Variants in JAZF1 observed in about 807,000 individuals in gnomAD.
JAZF1 encodes juxtaposed with another zinc finger protein 1.
In JAZF1, 8 loss-of-function variants were observed where a neutral mutation model predicts 26.4. The observed-to-expected ratio is 0.30, with a 90% CI of 0.18 to 0.55. JAZF1 has a LOEUF of 0.55. JAZF1 is among the 20% of genes least tolerant of loss of function. JAZF1 has a pLI of 0.94. For missense variants in JAZF1, 199 were observed against 322.0 expected (o/e 0.62, Z 2.92); for synonymous variants, 126 against 122.3 (o/e 1.03, Z -0.20).
At chr7:27,867,034 A>G (rs1783484907) in intron 3 of JAZF1, among the ~76,000 whole-genome samples, 1 of 152,174 alleles carries the variant, frequency 6.6e-6, no homozygotes, top group Non-Finnish European at 1.5e-5. Flanking sequence ...TGTTGGACCA[A>G]CTGCTGCTTG....
chr7:28,138,290 C>A (rs978381461), intron 1 of JAZF1, among the ~76,000 whole-genome samples: 7 of 152,152 alleles, frequency 4.6e-5, no homozygotes, highest in African/African-American at 1.4e-4. Context: ...GTAAGACAGG[C>A]ACAGAGAACA....
At chr7:27,989,358 G>T (rs1022407075) in intron 2 of JAZF1, among the ~76,000 whole-genome samples, 8 of 152,146 alleles carry the variant, frequency 5.3e-5, no homozygotes, top group Admixed American at 1.3e-4. Flanking sequence ...CTAGGCAATA[G>T]CATTCAGGCC....
chr7:28,110,527 A>AAAGG (rs1784636554), intron 1 of JAZF1, among the ~76,000 whole-genome samples: 1 of 67,662 alleles, frequency 1.5e-5, no homozygotes, highest in African/African-American at 4.9e-5. Flanking sequence ...AAGGAAAAGG[A>AAAGG]AAAGGAAAGG....
intron 1 of JAZF1, among the ~76,000 whole-genome samples, chr7:28,063,342 C>A (rs753463664): frequency 5.3e-5 from 8 of 151,980 alleles, no homozygotes; most frequent in Non-Finnish European, 1.0e-4. Flanking sequence ...CCTTTAGTAC[C>A]CAGTATTGGA....
intron 1 of JAZF1, among the ~76,000 whole-genome samples, chr7:28,068,147 T>C (rs183642224): frequency 7.2e-5 from 11 of 151,958 alleles, no homozygotes; most frequent in Middle Eastern, 3.4e-3. Context: ...ACTCCTGACA[T>C]CAGATGATCT....
chr7:28,023,214 T>C lies in JAZF1; in HGVS notation c.116-31233A>G, dbSNP rs140620996. 1.1e-4 allele frequency among the ~76,000 whole-genome samples: 16 copies of C among 152,214 alleles called. No individual in the cohort carries two copies. The East Asian group carries it at 3.1e-3, about 29-fold the overall frequency. ...CAGAAACGAGTCCAGCCGTGAAGCA[T>C]TGTAGTTCTATAGAAAATTTTGAAG... On this transcript the variant is annotated intron_variant, in intron 1 of 4. Transcript: ENST00000283928.
chr7:27,883,401 AAC>A (rs763800228), intron 3 of JAZF1, among the ~76,000 whole-genome samples: 9 of 152,252 alleles, frequency 5.9e-5, no homozygotes, highest in East Asian at 3.8e-4. Flanking sequence ...TTGATTAAAC[AAC>A]ACAGTTAATA....
rs556805984 is a variant in JAZF1 at position 27,958,499 on chromosome 7, C to T, written c.188+33410G>A. Among the ~76,000 whole-genome samples, 25 of 152,316 alleles carry T rather than the reference C, an allele frequency of 1.6e-4. No homozygotes were observed. In the South Asian group the frequency reaches 5.0e-3, roughly 30 times the overall value. On this transcript the variant is annotated intron_variant, in intron 2 of 4. Coordinates refer to ENST00000283928, the MANE Select transcript of JAZF1 (RefSeq NM_175061.4). ...CCTTGACAGCAGTCTAATACAGCAACCCCTAGTTTGTGTGCTGCAGAGGGA... is the reference window on the plus strand; with the variant it reads ...CCTTGACAGCAGTCTAATACAGCAATCCCTAGTTTGTGTGCTGCAGAGGGA...
intron 1 of JAZF1, among the ~76,000 whole-genome samples, chr7:28,097,070 C>A (rs759930025): frequency 6.6e-6 from 1 of 152,180 alleles, no homozygotes; most frequent in Non-Finnish European, 1.5e-5. Context: ...TTTTAACTAA[C>A]TCTTTAAAAT....
intron 1 of JAZF1, among the ~76,000 whole-genome samples, chr7:28,176,863 A>G (rs1191922681): frequency 6.6e-6 from 1 of 152,138 alleles, no homozygotes; most frequent in Non-Finnish European, 1.5e-5. Flanking sequence ...TGAGCCTGGG[A>G]CATGACCTTC....
At chr7:27,884,130 C>T (rs1290253410) in intron 3 of JAZF1, among the ~76,000 whole-genome samples, 1 of 152,194 alleles carries the variant, frequency 6.6e-6, no homozygotes, top group African/African-American at 2.4e-5. Context: ...TTTACACACA[C>T]TGAAATGCAC....
chr7:27,935,492 G>T (rs766812576), intron 2 of JAZF1, among the ~76,000 whole-genome samples: 2 of 152,174 alleles, frequency 1.3e-5, no homozygotes, highest in Non-Finnish European at 2.9e-5. Context: ...TCCAGAATAG[G>T]CAAATCTATA....
intron 1 of JAZF1, among the ~76,000 whole-genome samples, chr7:28,140,208 G>A (rs1025115143): frequency 1.3e-5 from 2 of 151,486 alleles, no homozygotes; most frequent in African/African-American, 4.9e-5. Flanking sequence ...TCAGCCTCCT[G>A]AGTAGCTGGG....
chr7:28,017,442 G>A (rs1782914666), intron 1 of JAZF1, among the ~76,000 whole-genome samples: 1 of 151,772 alleles, frequency 6.6e-6, no homozygotes, highest in South Asian at 2.1e-4. Context: ...AATAAGGGCT[G>A]TTTTCGGCTT....
intron 1 of JAZF1, among the ~76,000 whole-genome samples, chr7:28,157,050 C>T (rs1783196163): frequency 6.6e-6 from 1 of 152,246 alleles, no homozygotes; most frequent in Admixed American, 6.5e-5. Flanking sequence ...TGAAAGCATA[C>T]ATACATGTGC....
intron 1 of JAZF1, among the ~76,000 whole-genome samples, chr7:28,058,769 T>C (rs1783754835): frequency 1.3e-5 from 2 of 152,226 alleles, no homozygotes; most frequent in Non-Finnish European, 2.9e-5. Context: ...TTTCCAAACA[T>C]ATGCGTTTTC....
rs142533037 is a variant in JAZF1 at position 27,984,540 on chromosome 7, T to C, written c.188+7369A>G. On this transcript the variant is annotated intron_variant, in intron 2 of 4. Transcript: ENST00000283928. ...CACCCCACTGTCACCATTAGACAGA[T>C]CAACTATACAGAAAGTTAACAAGGA... Among the ~76,000 whole-genome samples the C allele has an allele frequency of 5.0e-3, 764 of 152,318 alleles. 8 individuals carry two copies. Among genetic ancestry groups the C allele is most frequent in the African/African-American group, 0.017 (719 of 41,560 alleles).
At chr7:27,838,943 C>T (rs1420494422) in intron 4 of JAZF1, among the ~76,000 whole-genome samples, 2 of 152,230 alleles carry the variant, frequency 1.3e-5, no homozygotes, top group African/African-American at 4.8e-5. Context: ...ACTGAATTCT[C>T]AGTGGCCTTG....
At chr7:27,896,960 A>T (rs1221730655) in intron 2 of JAZF1, among the ~76,000 whole-genome samples, 1 of 152,268 alleles carries the variant, frequency 6.6e-6, no homozygotes, top group Non-Finnish European at 1.5e-5. Flanking sequence ...CCTGGTAGCC[A>T]GGTAGGTACT....
Sources: gnomAD v4.1 joint callset for allele counts (sites outside exome capture counted in the v4.1 genomes callset) on GRCh38, gnomAD v4.1.1 for gene constraint, MANE v1.5 for transcripts, NCBI Gene and HGNC (gene_info 2026-07-23, HGNC 2026-07-21) for gene names.